The following RTTN variants were observed in gnomAD, a reference collection of about 807,000 sequenced individuals.
RTTN encodes the protein rotatin.
In RTTN, 182 loss-of-function variants were observed where a neutral mutation model predicts 269.2. The observed-to-expected ratio is 0.68, with a 90% CI of 0.60 to 0.76. The LOEUF is 0.76. Ranked by LOEUF, RTTN falls within the 30% of genes least tolerant of loss-of-function variation. RTTN has a pLI of 0.00. For synonymous variants in RTTN, 1,006 were observed against 963.5 expected, an observed-to-expected ratio of 1.04 and a Z score of -0.82; for missense variants, 2,545 against 2,608.6, an observed-to-expected ratio of 0.98 and a Z score of 0.53.
At chr18:70,202,024 T>C in intron 3 of RTTN, 41 bp from the exon 4 acceptor site, 1 of 1,173,792 alleles carries the variant, frequency 8.5e-7, no homozygotes, top group Non-Finnish European at 1.3e-6. Context: ...CGATTCCTTA[T>C]TTGCTAAAAG....
At chr18:70,054,839 A>G (rs1433365490) in intron 37 of RTTN, among the ~76,000 whole-genome samples, 1 of 152,106 alleles carries the variant, frequency 6.6e-6, no homozygotes, top group Non-Finnish European at 1.5e-5. Flanking sequence ...AAAAAGTCCC[A>G]TATTTTTCAA....
intron 32 of RTTN, among the ~76,000 whole-genome samples, chr18:70,082,453 T>C (rs1206558842): frequency 6.6e-6 from 1 of 152,136 alleles, no homozygotes; most frequent in Non-Finnish European, 1.5e-5. Flanking sequence ...CTCTAATCAA[T>C]AGATTTCTTG....
intron 3 of RTTN, 113 bp from the exon 4 acceptor site, chr18:70,202,096 T>TA (rs540353151): frequency 6.4e-5 from 39 of 605,162 alleles, no homozygotes; most frequent in Non-Finnish European, 8.9e-5. Flanking sequence ...TTTTAAAAAT[T>TA]AAAAAAAAGT....
intron 25 of RTTN, among the ~76,000 whole-genome samples, chr18:70,122,136 G>A (rs571791870): frequency 1.1e-4 from 16 of 152,166 alleles, no homozygotes; most frequent in African/African-American, 3.9e-4. Context: ...GGGAAAAAAA[G>A]GCCTGCAAGG....
intron 24 of RTTN, 103 bp from the exon 25 acceptor site, chr18:70,127,844 T>C: frequency 9.2e-7 from 1 of 1,087,002 alleles, no homozygotes; most frequent in African/African-American, 1.6e-5. Flanking sequence ...TTTATCTTCA[T>C]TTTCTTTTAA....
At chr18:70,059,367 CT>C (rs1191380047) in intron 36 of RTTN, among the ~76,000 whole-genome samples, 9 of 152,036 alleles carry the variant, frequency 5.9e-5, no homozygotes, top group Non-Finnish European at 1.3e-4. Flanking sequence ...AATAATTTTT[CT>C]TTGAATTTAA....
chr18:70,097,986 T>C (rs767339293), intron 28 of RTTN, among the ~76,000 whole-genome samples: 7 of 152,222 alleles, frequency 4.6e-5, no homozygotes, highest in Non-Finnish European at 1.0e-4. Context: ...AGAGTAAAAC[T>C]CATTTTCTAG....
chr18:70,043,259 C>T (rs1478832246), intron 40 of RTTN, among the ~76,000 whole-genome samples: 1 of 152,078 alleles, frequency 6.6e-6, no homozygotes, highest in Non-Finnish European at 1.5e-5. Context: ...CAATAATTAC[C>T]TCTAAGGCAA....
intron 14 of RTTN, among the ~76,000 whole-genome samples, chr18:70,157,703 G>A (rs1157031753): frequency 1.3e-5 from 2 of 152,118 alleles, no homozygotes; most frequent in Non-Finnish European, 2.9e-5. Flanking sequence ...CCCACCCATG[G>A]AAACCAGTAA....
chr18:70,107,550 G>A (rs1052703779), intron 28 of RTTN, among the ~76,000 whole-genome samples: 2 of 152,156 alleles, frequency 1.3e-5, no homozygotes, highest in Non-Finnish European at 2.9e-5. Flanking sequence ...ATGGCATAAG[G>A]CCATGCTTAG....
intron 30 of RTTN, 59 bp downstream of exon 30, chr18:70,092,051 C>T (rs1599488900): frequency 1.8e-6 from 2 of 1,086,422 alleles, no homozygotes; most frequent in East Asian, 2.5e-5. Context: ...CCGCACCTGG[C>T]CCCGTGTCAT....
chr18:70,153,608 G>C (rs1339645808), intron 14 of RTTN, among the ~76,000 whole-genome samples: 1 of 152,142 alleles, frequency 6.6e-6, no homozygotes. Flanking sequence ...TTCAGAAAAA[G>C]TAACCTCCAC....
chr18:70,122,358 A>G (rs2059761301), intron 25 of RTTN, among the ~76,000 whole-genome samples: 3 of 152,254 alleles, frequency 2.0e-5, no homozygotes, highest in South Asian at 2.1e-4. Context: ...TTAAAAAGCA[A>G]TCAGCAAGAG....
chr18:70,034,174 A>C (rs952752518), intron 40 of RTTN, among the ~76,000 whole-genome samples: 2 of 152,186 alleles, frequency 1.3e-5, no homozygotes, highest in African/African-American at 4.8e-5. Flanking sequence ...CCCCAAAAAA[A>C]TGAGAAGTAG....
intron 28 of RTTN, among the ~76,000 whole-genome samples, chr18:70,097,570 C>T (rs778214571): frequency 8.5e-5 from 13 of 152,152 alleles, no homozygotes; most frequent in South Asian, 2.1e-4. Flanking sequence ...ATTTTCTGCT[C>T]GAGATGTTTT....
intron 28 of RTTN, among the ~76,000 whole-genome samples, chr18:70,107,460 T>C (rs1048729056): frequency 1.3e-5 from 2 of 152,224 alleles, no homozygotes; most frequent in African/African-American, 4.8e-5. Flanking sequence ...GCTGTTCTCA[T>C]AGAACTATGT....
chr18:70,114,664 G>C (rs2059559265), intron 26 of RTTN, 65 bp from the exon 27 acceptor site: 1 of 1,473,062 alleles, frequency 6.8e-7, no homozygotes, highest in Non-Finnish European at 9.2e-7. Context: ...CCTATAAAGG[G>C]TTTGGTTGCT....
chr18:70,030,797 A>G (rs2056989866), intron 41 of RTTN, 79 bp downstream of exon 41: 7 of 1,108,320 alleles, frequency 6.3e-6, no homozygotes, highest in Middle Eastern at 4.1e-4. Context: ...TTTGAGTCCA[A>G]AGAAAATTAA....
At chr18:70,138,295 A>C (rs2060173694) in intron 21 of RTTN, 1 of 152,178 alleles carries the variant, frequency 6.6e-6, no homozygotes, top group Admixed American at 6.5e-5. Flanking sequence ...ATAAATAAGT[A>C]AGTAAGTAAA....
Sources: gnomAD v4.1 joint callset for allele counts (sites outside exome capture counted in the v4.1 genomes callset) on GRCh38, gnomAD v4.1.1 for gene constraint, MANE v1.5 for transcripts, NCBI Gene and HGNC (gene_info 2026-07-23, HGNC 2026-07-21) for gene names.